DET1: variants seen among roughly 807,000 people sequenced by gnomAD.
The protein encoded by DET1 is DET1 homolog.
A neutral mutation model predicts 43.7 loss-of-function variants in DET1; 22 were observed. The observed-to-expected ratio is 0.50, with a 90% CI of 0.36 to 0.72. The LOEUF is 0.72. Among genes scored for constraint, DET1 ranks in the 30% least tolerant of loss-of-function variants. The pLI is 0.00. For missense variants in DET1, 713 were observed against 713.3 expected, an observed-to-expected ratio of 1.00 and a Z score of 0.00; for synonymous variants, 315 against 266.2, an observed-to-expected ratio of 1.18 and a Z score of -1.79.
At chr15:88,503,567 A>G (rs183446929) in intron 8 of DET1, 14 of 152,334 alleles carry the variant, frequency 9.2e-5, no homozygotes, top group Admixed American at 7.8e-4. Context: ...TGATCTCTCT[A>G]AGGTCAGTTT....
chr15:88,517,226 T>G (rs965598223), intron 3 of DET1, among the ~76,000 whole-genome samples: 66 of 142,954 alleles, frequency 4.6e-4, no homozygotes, highest in Middle Eastern at 3.8e-3. Context: ...GGTTTTGGGT[T>G]TTTTTTTTTT....
downstream of DET1, among the ~76,000 whole-genome samples, chr15:88,512,161 T>C (rs2056212714): frequency 6.6e-6 from 1 of 152,242 alleles, no homozygotes; most frequent in Admixed American, 6.5e-5. Flanking sequence ...ACACAGTATT[T>C]GTTTCTGCTG....
chr15:88,523,825 A>C (rs2056574196), intron 3 of DET1, among the ~76,000 whole-genome samples: 1 of 152,036 alleles, frequency 6.6e-6, no homozygotes, highest in Non-Finnish European at 1.5e-5. Context: ...TTGGCCTCCC[A>C]AAGTGCCGAG....
At chr15:88,532,687 G>C (rs1243747395) in intron 1 of DET1, among the ~76,000 whole-genome samples, 2 of 152,130 alleles carry the variant, frequency 1.3e-5, no homozygotes, top group African/African-American at 4.8e-5. Flanking sequence ...CTACTCAATA[G>C]AAAAAGGACA....
intron 1 of DET1, among the ~76,000 whole-genome samples, chr15:88,543,088 A>T (rs1253165627): frequency 2.0e-5 from 3 of 152,226 alleles, no homozygotes. Flanking sequence ...AAATCTGAAA[A>T]AGACTTTAAC....
intron 1 of DET1, among the ~76,000 whole-genome samples, chr15:88,544,924 T>C (rs1457464601): frequency 6.6e-6 from 1 of 152,136 alleles, no homozygotes; most frequent in Non-Finnish European, 1.5e-5. Context: ...GCAGGAAGTG[T>C]CGACCTTGTA....
intron 3 of DET1, among the ~76,000 whole-genome samples, chr15:88,521,182 A>G (rs1450762449): frequency 6.6e-6 from 1 of 152,148 alleles, no homozygotes; most frequent in Non-Finnish European, 1.5e-5. Context: ...TGTCCCTCAA[A>G]TGCATCAGAT....
At chr15:88,507,368 C>T (rs952102280) in intron 7 of DET1, among the ~76,000 whole-genome samples, 12 of 152,198 alleles carry the variant, frequency 7.9e-5, no homozygotes, top group Non-Finnish European at 1.6e-4. Flanking sequence ...ACCCCACTAA[C>T]GGGTCTTTCC....
At chr15:88,526,829 G>T (rs8028153) in intron 3 of DET1, among the ~76,000 whole-genome samples, 34,005 of 152,164 alleles carry the variant, frequency 0.22, 4,891 homozygotes, top group African/African-American at 0.41. Context: ...ACTTGGCTAT[G>T]TAGACCTAGA....
chr15:88,526,686 C>T (rs2056672460), intron 3 of DET1, among the ~76,000 whole-genome samples: 1 of 152,170 alleles, frequency 6.6e-6, no homozygotes, highest in South Asian at 2.1e-4. Flanking sequence ...TCACCTAATT[C>T]CTGTTTTTAG....
chr15:88,524,172 C>T (rs1044210042), intron 3 of DET1, among the ~76,000 whole-genome samples: 2 of 152,016 alleles, frequency 1.3e-5, no homozygotes, highest in Admixed American at 1.3e-4. Context: ...GCCGCGACCC[C>T]GTCTGGGAAC....
chr15:88,531,226 G>A lies in DET1; in HGVS notation c.480C>T (p.Ala160=). The change falls in exon 2 of 5, where the codon GCC becomes GCT. Residue 160 remains alanine, a synonymous_variant. Transcript: ENST00000268148. The surrounding 1 kb of genome is among the most constrained non-coding windows in gnomAD (Gnocchi z 6.2). ...DCRCVIVGSA[A]YLPDEPHPPF... ...GAGGGTGAGGCTCATCTGGGAGGTAGGCAGCTGAGCCCACGATGACACAGC... is the reference window on the plus strand; with the variant it reads ...GAGGGTGAGGCTCATCTGGGAGGTAAGCAGCTGAGCCCACGATGACACAGC... The A allele has an allele frequency of 6.2e-7, 1 of 1,613,966 alleles. No individual in the cohort carries two copies. The highest frequency in any genetic ancestry group is 8.5e-7 in the Non-Finnish European group (1 of 1,179,874).
chr15:88,523,789 C>A (rs2056572851), intron 3 of DET1, among the ~76,000 whole-genome samples: 1 of 152,220 alleles, frequency 6.6e-6, no homozygotes, highest in African/African-American at 2.4e-5. Context: ...CCGCTCGCTA[C>A]AACCTCCACC....
intron 3 of DET1, among the ~76,000 whole-genome samples, chr15:88,521,615 C>G (rs1205702000): frequency 6.6e-6 from 1 of 152,142 alleles, no homozygotes; most frequent in African/African-American, 2.4e-5. Flanking sequence ...GTAATCTTTT[C>G]AGACTTCACA....
chr15:88,535,441 A>AG (rs2056923398), intron 1 of DET1, among the ~76,000 whole-genome samples: 1 of 151,842 alleles, frequency 6.6e-6, no homozygotes, highest in Non-Finnish European at 1.5e-5. Flanking sequence ...ATGCTAAGAA[A>AG]AAAAAAAAAA....
At chr15:88,529,744 A>G (rs2056763330) in intron 2 of DET1, among the ~76,000 whole-genome samples, 1 of 152,246 alleles carries the variant, frequency 6.6e-6, no homozygotes, top group Admixed American at 6.5e-5. Context: ...GACAATCTGC[A>G]AACAGGAGAA....
chr15:88,510,513 T>C (rs1441645661), downstream of DET1, among the ~76,000 whole-genome samples: 1 of 152,194 alleles, frequency 6.6e-6, no homozygotes, highest in Non-Finnish European at 1.5e-5. Flanking sequence ...CAACTTCTCC[T>C]GGGTAATGGG....
chr15:88,520,795 CCAGA>C (rs1567061093), intron 3 of DET1, among the ~76,000 whole-genome samples: 3 of 152,214 alleles, frequency 2.0e-5, no homozygotes, highest in Non-Finnish European at 4.4e-5. Context: ...TTGGTATGTG[CCAGA>C]CACTCTTCTA....
intron 1 of DET1, among the ~76,000 whole-genome samples, chr15:88,539,437 C>T (rs1257782152): frequency 6.8e-6 from 1 of 147,094 alleles, no homozygotes; most frequent in Non-Finnish European, 1.5e-5. Context: ...GAGGGCCCCC[C>T]CTTGTCTGTC....
Sources: gnomAD v4.1 joint callset for allele counts (sites outside exome capture counted in the v4.1 genomes callset) on GRCh38, gnomAD v4.1.1 for gene constraint, Gnocchi (gnomAD v3.1) non-coding constraint, MANE v1.5 for transcripts, NCBI Gene and HGNC (gene_info 2026-07-23, HGNC 2026-07-21) for gene names.